Variants in CTDSPL2 observed in about 807,000 individuals in gnomAD.
CTDSPL2 encodes the protein CTD small phosphatase-like protein 2.
A neutral mutation model predicts 60.0 loss-of-function variants in CTDSPL2; 5 were observed. That is an observed-to-expected ratio of 0.08 (90% confidence interval 0.04 to 0.18). CTDSPL2 has a LOEUF of 0.18. CTDSPL2 is among the 10% of genes least tolerant of loss of function. The pLI is 1.00. For missense variants in CTDSPL2, 370 were observed against 548.8 expected (o/e 0.67, Z 3.26); for synonymous variants, 186 against 189.3 (o/e 0.98, Z 0.14).
chr15:44,506,271 C>G (rs916266690), intron 8 of CTDSPL2, among the ~76,000 whole-genome samples: 3 of 151,908 alleles, frequency 2.0e-5, no homozygotes, highest in African/African-American at 7.3e-5. Flanking sequence ...CTCAAGTGAT[C>G]TGCCCACCTC....
chr15:44,457,931 A>T (rs964908505), intron 1 of CTDSPL2, among the ~76,000 whole-genome samples: 6 of 152,256 alleles, frequency 3.9e-5, no homozygotes, highest in Admixed American at 2.6e-4. Flanking sequence ...TCTATTTTTT[A>T]AAAAGTTTCT....
At chr15:44,509,222 GAC>G (rs959801207) in intron 8 of CTDSPL2, among the ~76,000 whole-genome samples, 1 of 151,126 alleles carries the variant, frequency 6.6e-6, no homozygotes, top group Non-Finnish European at 1.5e-5. Flanking sequence ...ATTTTTTTGA[GAC>G]ACAGTCTTGC....
At chr15:44,511,867 C>CAAAAAA (rs68063380) in intron 8 of CTDSPL2, among the ~76,000 whole-genome samples, 22 of 30,596 alleles carry the variant, frequency 7.2e-4, no homozygotes, top group Non-Finnish European at 1.2e-3. Context: ...GACGGTCTCG[C>CAAAAAA]AAAAAAAAAA....
chr15:44,523,399 CATA>C (rs2081819140), intron 12 of CTDSPL2, among the ~76,000 whole-genome samples: 1 of 101,430 alleles, frequency 9.9e-6, no homozygotes, highest in Non-Finnish European at 2.5e-5. Flanking sequence ...TACATACATA[CATA>C]CATACATACA....
chr15:44,476,384 TA>T (rs2080916318), intron 2 of CTDSPL2, among the ~76,000 whole-genome samples: 1 of 152,118 alleles, frequency 6.6e-6, no homozygotes, highest in African/African-American at 2.4e-5. Flanking sequence ...TATTTTAAAA[TA>T]TTACTAAATT....
chr15:44,431,708 GTTTGTTTGTTTT>G (rs2079860640), intron 1 of CTDSPL2, among the ~76,000 whole-genome samples: 1 of 141,806 alleles, frequency 7.1e-6, no homozygotes, highest in Non-Finnish European at 1.5e-5. Flanking sequence ...TTGTTTGTTT[GTTTGTTTGTTTT>G]TTTTTTTTTT....
At chr15:44,468,324 G>T (rs117666660) in intron 2 of CTDSPL2, among the ~76,000 whole-genome samples, 2,418 of 152,050 alleles carry the variant, frequency 0.016, 85 homozygotes, top group East Asian at 0.13. Context: ...ATCATATTTT[G>T]TTGGTATTTA....
intron 1 of CTDSPL2, chr15:44,448,570 C>T (rs1236807899): frequency 7.0e-6 from 2 of 285,874 alleles, no homozygotes; most frequent in Non-Finnish European, 1.4e-5. Flanking sequence ...TTCCTTTATT[C>T]TGCCCATGTT....
chr15:44,503,241 A>G (rs1048148975), intron 8 of CTDSPL2, among the ~76,000 whole-genome samples: 1 of 151,938 alleles, frequency 6.6e-6, no homozygotes, highest in African/African-American at 2.4e-5. Context: ...ACATTGTTTT[A>G]TAATCAGTTA....
At chr15:44,453,496 A>G (rs1236119522) in intron 1 of CTDSPL2, among the ~76,000 whole-genome samples, 1 of 152,008 alleles carries the variant, frequency 6.6e-6, no homozygotes, top group Non-Finnish European at 1.5e-5. Context: ...ACATATGTAT[A>G]CATGTGCCAT....
Position 44,484,381 on chromosome 15 carries a change from A to G in CTDSPL2, c.325+19A>G. On this transcript the variant is annotated intron_variant, in intron 3 of 12. Coordinates refer to ENST00000260327, the MANE Select transcript of CTDSPL2 (RefSeq NM_016396.3). ...AATGGAGGTTTGTTAATATTTAGAT[A>G]CTGTTTTATTTAGGTGTAAGCAGAG... 1 of 1,605,234 alleles carries G rather than the reference A, an allele frequency of 6.2e-7. No homozygotes were observed. The highest frequency in any genetic ancestry group is 1.3e-5 in the African/African-American group (1 of 74,804).
At chr15:44,449,880 A>G (rs1236545668) in intron 1 of CTDSPL2, among the ~76,000 whole-genome samples, 2 of 151,990 alleles carry the variant, frequency 1.3e-5, no homozygotes, top group Non-Finnish European at 2.9e-5. Context: ...AATCCCAGCT[A>G]CTTGGGAGGG....
At chr15:44,495,847 G>A (rs1377423293) in intron 5 of CTDSPL2, among the ~76,000 whole-genome samples, 5 of 151,716 alleles carry the variant, frequency 3.3e-5, no homozygotes, top group Admixed American at 6.6e-5. Flanking sequence ...CAGGAGAATC[G>A]CTTGAACCTG....
At chr15:44,434,127 C>T (rs62024134) in intron 1 of CTDSPL2, among the ~76,000 whole-genome samples, 1 of 151,488 alleles carries the variant, frequency 6.6e-6, no homozygotes, top group East Asian at 1.9e-4. Flanking sequence ...CTTGACTGGG[C>T]GTGGTGGCTC....
At chr15:44,442,162 A>T (rs747080738) in intron 1 of CTDSPL2, among the ~76,000 whole-genome samples, 11 of 152,074 alleles carry the variant, frequency 7.2e-5, no homozygotes, top group Admixed American at 5.2e-4. Context: ...GAAAAAACAT[A>T]TATTGTGGCC....
At chr15:44,430,523 G>A (rs1011571021) in intron 1 of CTDSPL2, among the ~76,000 whole-genome samples, 3 of 151,408 alleles carry the variant, frequency 2.0e-5, no homozygotes, top group Middle Eastern at 3.4e-3. Context: ...CTGGGAAGAC[G>A]GGTATTTGCC....
At chr15:44,473,335 G>A (rs573024272) in intron 2 of CTDSPL2, among the ~76,000 whole-genome samples, 3 of 151,524 alleles carry the variant, frequency 2.0e-5, no homozygotes, top group South Asian at 2.1e-4. Flanking sequence ...TCGCTCTATC[G>A]CCCAGGCTGG....
At chr15:44,477,408 G>A (rs1232948783) in intron 2 of CTDSPL2, among the ~76,000 whole-genome samples, 1 of 151,630 alleles carries the variant, frequency 6.6e-6, no homozygotes, top group Admixed American at 6.6e-5. Context: ...CTTGGTGTGT[G>A]CCTGTAGTCC....
chr15:44,491,914 A>G (rs2081220786), intron 5 of CTDSPL2, among the ~76,000 whole-genome samples: 1 of 152,066 alleles, frequency 6.6e-6, no homozygotes, highest in East Asian at 1.9e-4. Context: ...CACGCTGGAC[A>G]GTGCAGTGGC....
Sources: gnomAD v4.1 joint callset for allele counts (sites outside exome capture counted in the v4.1 genomes callset) on GRCh38, gnomAD v4.1.1 for gene constraint, MANE v1.5 for transcripts, NCBI Gene and HGNC (gene_info 2026-07-23, HGNC 2026-07-21) for gene names.